Variants in XPO1 observed in about 807,000 individuals in gnomAD.
XPO1 encodes exportin 1.
XPO1 carries 5 observed loss-of-function variants against 133.3 expected under a neutral mutation model. The observed-to-expected ratio is 0.04, with a 90% CI of 0.02 to 0.08. XPO1 has a LOEUF of 0.08. Among genes scored for constraint, XPO1 ranks in the 10% least tolerant of loss-of-function variants. The probability of loss-of-function intolerance (pLI) is 1.00; values close to 1 mark genes in which losing one functional copy is unlikely to be tolerated. For synonymous variants in XPO1, 419 were observed against 408.2 expected (o/e 1.03, Z -0.32); for missense variants, 506 against 1,267.5 (o/e 0.40, Z 9.12).
chr2:61,481,295 C>G lies in XPO1; in HGVS notation c.2973-14G>C. 6.3e-7 allele frequency: 1 copy of G among 1,584,778 alleles called. No homozygotes were observed. On this transcript the variant is annotated splice_polypyrimidine_tract_variant and intron_variant, in intron 23 of 24. Coordinates refer to ENST00000401558, the MANE Select transcript of XPO1 (RefSeq NM_003400.4). ...TTTACTTGAGCACTGCAAATCAAAA[C>G]ACAATGATTAAATAATGATTTATTT...
intron 4 of XPO1, among the ~76,000 whole-genome samples, chr2:61,520,331 G>T (rs1698628600): frequency 6.6e-6 from 1 of 152,140 alleles, no homozygotes; most frequent in Non-Finnish European, 1.5e-5. Context: ...GGTTAGAGAA[G>T]CCTCCCAGTT....
chr2:61,518,779 CAAAT>C (rs1475150923), intron 4 of XPO1, among the ~76,000 whole-genome samples: 4 of 152,068 alleles, frequency 2.6e-5, no homozygotes, highest in African/African-American at 9.7e-5. Context: ...AAAACACAAA[CAAAT>C]AGACACACAC....
intron 4 of XPO1, among the ~76,000 whole-genome samples, chr2:61,519,698 CAAAAAAAAAAAAA>C (rs753424450): frequency 2.7e-5 from 2 of 72,774 alleles, no homozygotes; most frequent in African/African-American, 6.7e-5. Context: ...GACTCCGTCT[CAAAAAAAAAAAAA>C]AAAAAAAAAA....
At chr2:61,527,549 G>GCAGA (rs1698961465) in intron 2 of XPO1, among the ~76,000 whole-genome samples, 1 of 152,114 alleles carries the variant, frequency 6.6e-6, no homozygotes, top group Non-Finnish European at 1.5e-5. Flanking sequence ...AGGACACTCT[G>GCAGA]CTTTACAAGA....
chr2:61,509,008 C>A (rs966501010), intron 4 of XPO1, among the ~76,000 whole-genome samples: 2 of 152,062 alleles, frequency 1.3e-5, no homozygotes, highest in African/African-American at 4.8e-5. Context: ...GCAAGATTGA[C>A]TGACTGATTG....
chr2:61,534,104 T>C, intron 1 of XPO1: 1 of 471,244 alleles, frequency 2.1e-6, no homozygotes, highest in Non-Finnish European at 3.5e-6. Flanking sequence ...ACATAAATTA[T>C]TATGGTCCAT....
At chr2:61,533,172 G>A (rs1051459135) in intron 2 of XPO1, among the ~76,000 whole-genome samples, 1 of 152,086 alleles carries the variant, frequency 6.6e-6, no homozygotes, top group African/African-American at 2.4e-5. Flanking sequence ...GAGCGAGACT[G>A]TCTCAAAAAA....
At chr2:61,513,608 A>G (rs1340386472) in intron 4 of XPO1, among the ~76,000 whole-genome samples, 1 of 152,132 alleles carries the variant, frequency 6.6e-6, no homozygotes, top group Non-Finnish European at 1.5e-5. Context: ...TACAGGCGTG[A>G]GCCACTGTGC....
chr2:61,490,848 C>T, intron 16 of XPO1, 72 bp from the exon 17 acceptor site: 4 of 1,558,210 alleles, frequency 2.6e-6, no homozygotes, highest in Non-Finnish European at 3.5e-6. Context: ...ACAAGCAATT[C>T]ACAAACGTCT....
chr2:61,537,354 G>C (rs537915818), intron 1 of XPO1, among the ~76,000 whole-genome samples: 1 of 151,260 alleles, frequency 6.6e-6, no homozygotes, highest in East Asian at 2.0e-4. Flanking sequence ...CCCCTCCCGA[G>C]GCCGCCTCCC....
At chr2:61,481,121 C>T (rs1409337406) in intron 24 of XPO1, 64 bp downstream of exon 24, 3 of 1,019,870 alleles carry the variant, frequency 2.9e-6, no homozygotes, top group African/African-American at 3.3e-5. Flanking sequence ...AAAAATTCTA[C>T]AATGTAACAT....
At chr2:61,525,379 G>A in intron 3 of XPO1, 7 of 990,302 alleles carry the variant, frequency 7.1e-6, no homozygotes, top group Non-Finnish European at 8.4e-6. Flanking sequence ...TTAATATCAG[G>A]TAGTGTTAAC....
At chr2:61,528,325 T>C (rs1483973455) in intron 2 of XPO1, among the ~76,000 whole-genome samples, 2 of 152,142 alleles carry the variant, frequency 1.3e-5, no homozygotes, top group East Asian at 1.9e-4. Context: ...CCAAATTTTA[T>C]GTTAATAGTA....
At chr2:61,518,539 A>T (rs1698525324) in intron 4 of XPO1, among the ~76,000 whole-genome samples, 1 of 149,770 alleles carries the variant, frequency 6.7e-6, no homozygotes, top group Non-Finnish European at 1.5e-5. Flanking sequence ...ATGGTGTGAA[A>T]CCGGGAGGCA....
At position 61,492,401 on chromosome 2, in the gene XPO1, A is replaced by G. The variant is rs1697042407; in HGVS notation, c.1647T>C (p.Gly549=). The change falls in exon 15 of 25, where the codon GGT becomes GGC. Residue 549 remains glycine (G), a synonymous_variant. Transcript: ENST00000401558. The surrounding 1 kb of genome is among the most constrained non-coding windows in gnomAD (Gnocchi z 5.6). ...IIASNIMYIV[G]QYPRFLRAHW... ...GAGCTCTCAAAAAACGTGGGTATTGACCTACTATGTACATGATATTTGATG... is the reference window on the plus strand; with the variant it reads ...GAGCTCTCAAAAAACGTGGGTATTGGCCTACTATGTACATGATATTTGATG... The G allele has an allele frequency of 6.2e-7, 1 of 1,610,532 alleles. No individual in the cohort carries two copies. Among genetic ancestry groups the G allele is most frequent in the East Asian group, 2.2e-5 (1 of 44,836 alleles).
At chr2:61,489,167 A>C (rs1558635371) in intron 17 of XPO1, among the ~76,000 whole-genome samples, 1 of 151,714 alleles carries the variant, frequency 6.6e-6, no homozygotes, top group Non-Finnish European at 1.5e-5. Flanking sequence ...TAATCCCAGC[A>C]CTTTGGGAGG....
chr2:61,514,679 T>C (rs1476492624), intron 4 of XPO1, among the ~76,000 whole-genome samples: 2 of 151,830 alleles, frequency 1.3e-5, no homozygotes, highest in Non-Finnish European at 2.9e-5. Context: ...AAAAACATTG[T>C]CTATACCAAA....
intron 24 of XPO1, among the ~76,000 whole-genome samples, chr2:61,479,439 C>T (rs1259862760): frequency 1.4e-5 from 2 of 140,140 alleles, no homozygotes; most frequent in African/African-American, 2.7e-5. Context: ...GTGATAAAAG[C>T]GAGACTGTGC....
At chr2:61,496,815 G>C in intron 10 of XPO1, 64 bp downstream of exon 10, 1 of 1,366,342 alleles carries the variant, frequency 7.3e-7, no homozygotes, top group East Asian at 2.8e-5. Flanking sequence ...TAACTCATTT[G>C]GAATTTGGTA....
Sources: gnomAD v4.1 joint callset for allele counts (sites outside exome capture counted in the v4.1 genomes callset) on GRCh38, gnomAD v4.1.1 for gene constraint, Gnocchi (gnomAD v3.1) non-coding constraint, MANE v1.5 for transcripts, NCBI Gene and HGNC (gene_info 2026-07-23, HGNC 2026-07-21) for gene names.